RAP1GAP2: variants seen among roughly 807,000 people sequenced by gnomAD.
RAP1GAP2 encodes the protein RAP1 GTPase activating protein 2, also known as rap1 GTPase-activating protein 2.
RAP1GAP2 carries 27 observed loss-of-function variants against 95.0 expected under a neutral mutation model. The ratio of observed to expected loss-of-function variants is 0.28; its 90% CI spans 0.21 to 0.39. The LOEUF (loss-of-function observed/expected upper bound fraction) is 0.39. Among genes scored for constraint, RAP1GAP2 ranks in the 10% least tolerant of loss-of-function variants. The pLI is 1.00. For missense variants in RAP1GAP2, 771 were observed against 970.0 expected (o/e 0.79, Z 2.72); for synonymous variants, 373 against 380.9 (o/e 0.98, Z 0.24).
intron 3 of RAP1GAP2, among the ~76,000 whole-genome samples, chr17:2,927,409 T>C (rs761726466): frequency 1.3e-5 from 2 of 152,172 alleles, no homozygotes; most frequent in Non-Finnish European, 2.9e-5. Flanking sequence ...CGCCTTGGCC[T>C]CCCAAAGTGC....
chr17:2,810,517 C>A (rs1481338497), intron 2 of RAP1GAP2, among the ~76,000 whole-genome samples: 1 of 145,274 alleles, frequency 6.9e-6, no homozygotes, highest in East Asian at 2.0e-4. Context: ...CCCTGTCCCC[C>A]CACCCTTTTT....
chr17:2,937,166 G>A (rs1377561966), intron 3 of RAP1GAP2, among the ~76,000 whole-genome samples: 1 of 152,166 alleles, frequency 6.6e-6, no homozygotes, highest in Non-Finnish European at 1.5e-5. Context: ...GGCCAAGTAG[G>A]AGTCAAGCAA....
At chr17:2,894,837 G>A (rs1468700529) in intron 2 of RAP1GAP2, among the ~76,000 whole-genome samples, 1 of 152,130 alleles carries the variant, frequency 6.6e-6, no homozygotes, top group Non-Finnish European at 1.5e-5. Flanking sequence ...CGCAGTGGAG[G>A]GCAGCGCCCC....
rs1389527943 is a variant in RAP1GAP2, at chr17:2,963,557, G to C, written c.279+95G>C. ...GCGATGGCCTGTGCCCAGCCCCCCA[G>C]GGGAGAGAACCTTGGGCCTGGGACC... On this transcript the variant is annotated intron_variant, in intron 6 of 24. Transcript: ENST00000254695. This position sits in a 1 kb window ranked among gnomAD's most constrained non-coding sequence, Gnocchi z 4.8. 6.6e-7 allele frequency: 1 copy of C among 1,521,420 alleles called. No homozygotes were observed. The highest frequency in any genetic ancestry group is 9.1e-7 in the Non-Finnish European group (1 of 1,098,388). 94.2% of individuals were successfully genotyped at this position (1,521,420 alleles called of 1,614,324 possible).
At chr17:3,022,088 C>A (rs1352018762) in intron 19 of RAP1GAP2, among the ~76,000 whole-genome samples, 1 of 152,192 alleles carries the variant, frequency 6.6e-6, no homozygotes, top group African/African-American at 2.4e-5. Context: ...AGTGGCTATG[C>A]TAATTTACAT....
At chr17:2,996,012 A>T (rs2045947365) in intron 13 of RAP1GAP2, among the ~76,000 whole-genome samples, 1 of 152,316 alleles carries the variant, frequency 6.6e-6, no homozygotes, top group Admixed American at 6.5e-5. Context: ...ATTTCTGACT[A>T]GGGTTCATAC....
chr17:2,961,890 AT>A (rs34857082), intron 4 of RAP1GAP2, among the ~76,000 whole-genome samples: 63,269 of 112,154 alleles, frequency 0.56, 17,097 homozygotes, highest in Admixed American at 0.64. Flanking sequence ...GACCCTAAGG[AT>A]TTTTTTTTTT....
At chr17:2,844,611 C>G (rs1424207368) in intron 2 of RAP1GAP2, among the ~76,000 whole-genome samples, 2 of 152,198 alleles carry the variant, frequency 1.3e-5, no homozygotes, top group African/African-American at 4.8e-5. Flanking sequence ...GTGTCAACAC[C>G]TAGGGAAGAT....
chr17:2,824,120 CA>C (rs71150900), intron 2 of RAP1GAP2, among the ~76,000 whole-genome samples: 63,804 of 105,106 alleles, frequency 0.61, 17,663 homozygotes, highest in African/African-American at 0.75. Flanking sequence ...AAGACTGTCT[CA>C]AAAAAAAAAA....
At position 3,008,060 on chromosome 17, in the gene RAP1GAP2, C is replaced by G; in HGVS notation, c.1409C>G (p.Ala470Gly). The G allele has an allele frequency of 6.2e-7, 1 of 1,613,966 alleles. No homozygotes were observed. Residue 470 changes from alanine to glycine, a missense_variant, in exon 17 of 25, where the codon GCC becomes GGC. Transcript: ENST00000254695. This position sits in a 1 kb window ranked among gnomAD's most constrained non-coding sequence, Gnocchi z 4.2. ...GACAACCTTCACGATGAGCTCCACG[C>G]CCACACACAGGCCATGCTGGGACTG... ...LLDNLHDELH[A>G]HTQAMLGLGP...
At chr17:2,811,732 C>A (rs2151499624) in intron 2 of RAP1GAP2, among the ~76,000 whole-genome samples, 1 of 152,124 alleles carries the variant, frequency 6.6e-6, no homozygotes. Context: ...CATGCGCCAC[C>A]ATTTCTGGCT....
At chr17:2,879,995 A>C (rs1379748215) in intron 2 of RAP1GAP2, among the ~76,000 whole-genome samples, 1 of 151,970 alleles carries the variant, frequency 6.6e-6, no homozygotes, top group African/African-American at 2.4e-5. Context: ...GGTAGGCCTG[A>C]TTCCTGCCCT....
At chr17:3,023,868 A>G (rs2047026943) in intron 19 of RAP1GAP2, among the ~76,000 whole-genome samples, 1 of 150,342 alleles carries the variant, frequency 6.7e-6, no homozygotes. Context: ...ACATATTCTC[A>G]TTGTTCAACT....
At chr17:2,854,277 G>T (rs1221896426) in intron 2 of RAP1GAP2, among the ~76,000 whole-genome samples, 7 of 152,194 alleles carry the variant, frequency 4.6e-5, no homozygotes, top group African/African-American at 1.7e-4. Flanking sequence ...TGGCTGGTGC[G>T]AGGAGCCTGG....
intron 2 of RAP1GAP2, among the ~76,000 whole-genome samples, chr17:2,815,762 G>A (rs915299962): frequency 2.0e-5 from 3 of 152,126 alleles, no homozygotes; most frequent in Admixed American, 6.5e-5. Context: ...GATTACAGGC[G>A]CGAGCCACCG....
At chr17:2,917,452 T>C (rs1277133800) in intron 3 of RAP1GAP2, among the ~76,000 whole-genome samples, 1 of 151,942 alleles carries the variant, frequency 6.6e-6, no homozygotes, top group Non-Finnish European at 1.5e-5. Flanking sequence ...ATATTTTTAG[T>C]AGAGTTGGGG....
chr17:2,836,555 C>T (rs966147187), intron 2 of RAP1GAP2, among the ~76,000 whole-genome samples: 1 of 152,118 alleles, frequency 6.6e-6, no homozygotes, highest in Admixed American at 6.5e-5. Context: ...TCGCTTGGAC[C>T]TGGGAGGCGG....
intron 3 of RAP1GAP2, among the ~76,000 whole-genome samples, chr17:2,924,813 C>G (rs531591484): frequency 2.6e-5 from 4 of 152,298 alleles, no homozygotes; most frequent in Admixed American, 2.0e-4. Flanking sequence ...TCCTCCCTGG[C>G]CCCTGAAGAC....
chr17:3,028,699 T>G (rs1181778236), intron 22 of RAP1GAP2, among the ~76,000 whole-genome samples: 1 of 152,096 alleles, frequency 6.6e-6, no homozygotes. Context: ...CCCCCTGTGG[T>G]TGGGCAGCTG....
Sources: gnomAD v4.1 joint callset for allele counts (sites outside exome capture counted in the v4.1 genomes callset) on GRCh38, gnomAD v4.1.1 for gene constraint, Gnocchi (gnomAD v3.1) non-coding constraint, MANE v1.5 for transcripts, NCBI Gene and HGNC (gene_info 2026-07-23, HGNC 2026-07-21) for gene names.